Variants in CCSER1 observed in about 807,000 individuals in gnomAD.
The protein encoded by CCSER1 is coiled-coil serine rich protein 1.
A neutral mutation model predicts 82.0 loss-of-function variants in CCSER1; 41 were observed. The observed-to-expected ratio is 0.50, with a 90% CI of 0.39 to 0.65. CCSER1 has a LOEUF of 0.65. Among genes scored for constraint, CCSER1 ranks in the 30% least tolerant of loss-of-function variants. The probability of loss-of-function intolerance (pLI) is 0.00; values close to 1 mark genes in which losing one functional copy is unlikely to be tolerated. For missense variants in CCSER1, 1,119 were observed against 1,064.2 expected, an observed-to-expected ratio of 1.05 and a Z score of -0.72; for synonymous variants, 414 against 383.9, an observed-to-expected ratio of 1.08 and a Z score of -0.92.
At chr4:90,603,873 T>A (rs1784315017) in intron 5 of CCSER1, among the ~76,000 whole-genome samples, 1 of 152,140 alleles carries the variant, frequency 6.6e-6, no homozygotes, top group Admixed American at 6.5e-5. Context: ...TCATGGACAC[T>A]GACTCAGTGC....
At chr4:91,483,020 C>G (rs1233640418) in intron 10 of CCSER1, among the ~76,000 whole-genome samples, 1 of 151,608 alleles carries the variant, frequency 6.6e-6, no homozygotes. Flanking sequence ...GTGCAGCACA[C>G]CAACATGGCA....
At chr4:90,993,973 TTATGA>T (rs1163546937) in intron 9 of CCSER1, among the ~76,000 whole-genome samples, 1 of 152,134 alleles carries the variant, frequency 6.6e-6, no homozygotes, top group East Asian at 1.9e-4. Context: ...GTTACTTGAC[TTATGA>T]TATGGTTACA....
intron 6 of CCSER1, among the ~76,000 whole-genome samples, chr4:90,648,288 A>AGAAAGAAG (rs1553969685): frequency 6.2e-5 from 6 of 96,386 alleles, no homozygotes; most frequent in Non-Finnish European, 1.1e-4. Flanking sequence ...AAGAAAGGAA[A>AGAAAGAAG]GAAAGAAAGA....
chr4:90,318,528 CTT>C (rs571416215), intron 3 of CCSER1, among the ~76,000 whole-genome samples: 37 of 152,144 alleles, frequency 2.4e-4, no homozygotes, highest in Non-Finnish European at 4.6e-4. Context: ...AACTGTAGGA[CTT>C]TGGTAGAAGA....
At chr4:90,988,316 C>T (rs1736731976) in intron 9 of CCSER1, among the ~76,000 whole-genome samples, 2 of 108,172 alleles carry the variant, frequency 1.8e-5, no homozygotes, top group Non-Finnish European at 3.4e-5. Context: ...GCCTGGGAGA[C>T]AGAGTGATAT....
chr4:90,975,581 G>A (rs1422598864), intron 9 of CCSER1, among the ~76,000 whole-genome samples: 1 of 151,174 alleles, frequency 6.6e-6, no homozygotes, highest in Admixed American at 6.6e-5. Flanking sequence ...CACGGAAACA[G>A]AGTCTCTAAG....
intron 9 of CCSER1, among the ~76,000 whole-genome samples, chr4:90,967,686 A>G (rs1183144138): frequency 2.0e-5 from 3 of 152,082 alleles, no homozygotes; most frequent in Non-Finnish European, 4.4e-5. Context: ...AACAACTATA[A>G]CAATATAAAT....
intron 10 of CCSER1, among the ~76,000 whole-genome samples, chr4:91,165,228 C>T (rs767854076): frequency 6.6e-6 from 1 of 152,180 alleles, no homozygotes; most frequent in African/African-American, 2.4e-5. Context: ...TGGAGGTCCA[C>T]TCCAGACCCT....
chr4:90,924,723 GTTGT>G (rs1480733216), intron 9 of CCSER1, among the ~76,000 whole-genome samples: 1 of 152,008 alleles, frequency 6.6e-6, no homozygotes. Context: ...TTTTGTTGTT[GTTGT>G]TTGTTTGTTT....
At chr4:90,731,166 T>C (rs1744658660) in intron 7 of CCSER1, among the ~76,000 whole-genome samples, 1 of 152,184 alleles carries the variant, frequency 6.6e-6, no homozygotes, top group African/African-American at 2.4e-5. Context: ...GATTTGTTAA[T>C]ATATTGTATG....
intron 10 of CCSER1, among the ~76,000 whole-genome samples, chr4:91,169,981 T>G (rs1289419249): frequency 6.6e-6 from 1 of 152,184 alleles, no homozygotes; most frequent in South Asian, 2.1e-4. Flanking sequence ...CAAATACAAG[T>G]TGAAACCTCT....
rs1277317247 is a variant in CCSER1 at position 90,309,258 on chromosome 4, G to A, written c.974G>A (p.Arg325Lys). The stretch of plus-strand genomic sequence containing the variant: ...GCAATTATGTCTCCTGGGAAATATA[G>A]GTTAGAGGGTCAATGTAGCACTGAA... Reference protein sequence around the residue: ...PCAIMSPGKYRLEGQCSTESN... With the variant: ...PCAIMSPGKYKLEGQCSTESN... Residue 325 changes from arginine to lysine, a missense_variant, in exon 2 of 11, where the codon AGG (arginine) becomes AAG (lysine). By Grantham distance (26) the Arg-to-Lys change is conservative (BLOSUM62 2). Transcript: ENST00000509176. 3.7e-6 allele frequency: 6 copies of A among 1,613,768 alleles called. No homozygotes were observed. In the Admixed American group the frequency reaches 1.0e-4, roughly 27 times the overall value.
chr4:90,462,520 T>C (rs1763075358), intron 4 of CCSER1, among the ~76,000 whole-genome samples: 1 of 152,104 alleles, frequency 6.6e-6, no homozygotes, highest in Admixed American at 6.6e-5. Flanking sequence ...AACACTTGGG[T>C]TAGTATTTGA....
chr4:90,974,873 C>A (rs918503359), intron 9 of CCSER1, among the ~76,000 whole-genome samples: 1 of 151,226 alleles, frequency 6.6e-6, no homozygotes, highest in Non-Finnish European at 1.5e-5. Flanking sequence ...TCAGTGTATA[C>A]CCAATATATA....
At chr4:91,302,803 C>T (rs1164772385) in intron 10 of CCSER1, among the ~76,000 whole-genome samples, 1 of 90,068 alleles carries the variant, frequency 1.1e-5, no homozygotes, top group African/African-American at 5.4e-5. Context: ...TAATTTTTTT[C>T]CCCTAGATCT....
At chr4:90,274,538 G>A (rs1727183121) in intron 1 of CCSER1, among the ~76,000 whole-genome samples, 1 of 152,026 alleles carries the variant, frequency 6.6e-6, no homozygotes, top group South Asian at 2.1e-4. Context: ...CTCCAGTAAA[G>A]TTTTTAGAAT....
chr4:90,251,087 TTGTGTA>T (rs944884095), intron 1 of CCSER1, among the ~76,000 whole-genome samples: 5 of 152,032 alleles, frequency 3.3e-5, no homozygotes, highest in Admixed American at 1.3e-4. Context: ...TTATTTTTGT[TTGTGTA>T]TGTGTATGTG....
intron 7 of CCSER1, among the ~76,000 whole-genome samples, chr4:90,734,620 A>G (rs1745349311): frequency 6.6e-6 from 1 of 152,124 alleles, no homozygotes; most frequent in East Asian, 1.9e-4. Context: ...CAATTTTCAA[A>G]TAGATTCCGT....
chr4:91,123,778 A>G (rs1402738261), intron 10 of CCSER1, among the ~76,000 whole-genome samples: 3 of 151,804 alleles, frequency 2.0e-5, no homozygotes, highest in African/African-American at 7.2e-5. Flanking sequence ...CACTATAACA[A>G]TTTACAAGAA....
Sources: gnomAD v4.1 joint callset for allele counts (sites outside exome capture counted in the v4.1 genomes callset) on GRCh38, gnomAD v4.1.1 for gene constraint, MANE v1.5 for transcripts, NCBI Gene and HGNC (gene_info 2026-07-23, HGNC 2026-07-21) for gene names.